The following RALYL variants were observed in gnomAD, a reference collection of about 807,000 sequenced individuals.
RALYL encodes RNA-binding Raly-like protein.
A neutral mutation model predicts 35.1 loss-of-function variants in RALYL; 29 were observed. The ratio of observed to expected loss-of-function variants is 0.83; its 90% confidence interval spans 0.61 to 1.13. RALYL has a LOEUF of 1.13. RALYL is among the 50% of genes most tolerant of loss of function. The pLI, the probability that RALYL is intolerant of heterozygous loss-of-function variation, is 0.00. For synonymous variants in RALYL, 120 were observed against 127.6 expected, an observed-to-expected ratio of 0.94 and a Z score of 0.40; for missense variants, 359 against 360.4, an observed-to-expected ratio of 1.00 and a Z score of 0.03.
chr8:84,917,404 G>T (rs1195788802), intron 8 of RALYL, among the ~76,000 whole-genome samples: 1 of 151,800 alleles, frequency 6.6e-6, no homozygotes, highest in Non-Finnish European at 1.5e-5. Flanking sequence ...AATTTACCAA[G>T]AATCACTATA....
At chr8:84,744,178 GAGGAATGGAAT>G (rs1808065656) in intron 2 of RALYL, among the ~76,000 whole-genome samples, 1 of 152,018 alleles carries the variant, frequency 6.6e-6, no homozygotes, top group Non-Finnish European at 1.5e-5. Flanking sequence ...AGAATTGTGA[GAGGAATGGAAT>G]CAGAACAGGA....
At chr8:84,445,509 G>GCA (rs1257183090) in intron 1 of RALYL, among the ~76,000 whole-genome samples, 1 of 151,656 alleles carries the variant, frequency 6.6e-6, no homozygotes, top group Non-Finnish European at 1.5e-5. Context: ...TGTAGTACGT[G>GCA]TTTTATTTCC....
intron 1 of RALYL, among the ~76,000 whole-genome samples, chr8:84,342,277 A>AATAT (rs57901276): frequency 0.012 from 787 of 66,132 alleles, 163 homozygotes; most frequent in Middle Eastern, 0.017. Context: ...AGCATCGTTC[A>AATAT]ATATATATAT....
intron 1 of RALYL, among the ~76,000 whole-genome samples, chr8:84,237,365 C>A (rs929104903): frequency 6.6e-6 from 1 of 152,064 alleles, no homozygotes; most frequent in African/African-American, 2.4e-5. Flanking sequence ...GTATGCAGAG[C>A]AGAAGTGACA....
At chr8:84,304,333 G>C (rs1841393329) in intron 1 of RALYL, among the ~76,000 whole-genome samples, 1 of 152,040 alleles carries the variant, frequency 6.6e-6, no homozygotes, top group South Asian at 2.1e-4. Context: ...TAGTCAGGGT[G>C]GTCTCGATCT....
chr8:84,346,922 A>G (rs1849936572), intron 1 of RALYL, among the ~76,000 whole-genome samples: 1 of 152,152 alleles, frequency 6.6e-6, no homozygotes, highest in African/African-American at 2.4e-5. Context: ...ACATTTGGCC[A>G]GGCACGGTGG....
chr8:84,756,122 A>G (rs1273927853), intron 2 of RALYL, among the ~76,000 whole-genome samples: 1 of 152,070 alleles, frequency 6.6e-6, no homozygotes, highest in Non-Finnish European at 1.5e-5. Flanking sequence ...GTACCAATAT[A>G]CCATGGATTA....
chr8:84,513,843 C>T (rs1446090560), intron 1 of RALYL, among the ~76,000 whole-genome samples: 11 of 151,756 alleles, frequency 7.2e-5, no homozygotes, highest in Non-Finnish European at 1.3e-4. Context: ...TGCCTGTAAT[C>T]CCAGCACTTT....
intron 2 of RALYL, among the ~76,000 whole-genome samples, chr8:84,766,093 C>T (rs553905004): frequency 1.7e-4 from 26 of 152,062 alleles, no homozygotes; most frequent in Middle Eastern, 3.4e-3. Context: ...TAAAAGACTA[C>T]GTTTAACTTT....
chr8:84,668,111 G>A lies in RALYL; in HGVS notation c.257-106468G>A, dbSNP rs141154944. Among the ~76,000 whole-genome samples the A allele has an allele frequency of 3.4e-3, 523 of 152,180 alleles. 3 individuals carry two copies. Among genetic ancestry groups the A allele is most frequent in the Non-Finnish European group, 5.7e-3 (388 of 67,986 alleles). ...AGGTGTGTGATAATAGCAGGCAATCGTTTTATAAATTACCACTTCATTTCA... is the reference window on the plus strand; with the variant it reads ...AGGTGTGTGATAATAGCAGGCAATCATTTTATAAATTACCACTTCATTTCA... On this transcript the variant is annotated intron_variant, in intron 2 of 8. Transcript: ENST00000521268.
At chr8:84,303,651 G>T (rs1841233325) in intron 1 of RALYL, among the ~76,000 whole-genome samples, 2 of 152,196 alleles carry the variant, frequency 1.3e-5, no homozygotes, top group Admixed American at 1.3e-4. Context: ...CTCAGTAAAG[G>T]CAGAGTTCTT....
intron 2 of RALYL, among the ~76,000 whole-genome samples, chr8:84,648,236 G>C (rs948416766): frequency 4.6e-5 from 7 of 152,056 alleles, no homozygotes; most frequent in Admixed American, 3.3e-4. Context: ...ATTAAAGCAA[G>C]TTTTCATTAG....
intron 8 of RALYL, among the ~76,000 whole-genome samples, chr8:84,902,717 C>A (rs913594039): frequency 2.0e-5 from 3 of 152,124 alleles, no homozygotes; most frequent in Non-Finnish European, 2.9e-5. Context: ...ATTTGGGTTT[C>A]AGGTTCAGAT....
intron 1 of RALYL, among the ~76,000 whole-genome samples, chr8:84,381,572 A>G (rs1586736700): frequency 6.6e-6 from 1 of 151,824 alleles, no homozygotes; most frequent in South Asian, 2.1e-4. Context: ...ATTTCCTTCA[A>G]CCCACATTTA....
intron 1 of RALYL, among the ~76,000 whole-genome samples, chr8:84,194,627 A>G (rs531684309): frequency 2.7e-4 from 41 of 152,294 alleles, no homozygotes; most frequent in African/African-American, 9.1e-4. Context: ...ATACATTTTT[A>G]TTAACATCAG....
At chr8:84,737,151 C>T (rs1847462505) in intron 2 of RALYL, among the ~76,000 whole-genome samples, 1 of 151,996 alleles carries the variant, frequency 6.6e-6, no homozygotes, top group Admixed American at 6.6e-5. Flanking sequence ...CTGTCTGATT[C>T]CACATTCTGT....
chr8:84,271,145 T>C (rs1586678191), intron 1 of RALYL, among the ~76,000 whole-genome samples: 2 of 142,484 alleles, frequency 1.4e-5, no homozygotes, highest in Middle Eastern at 7.1e-3. Context: ...TTTCAAAATG[T>C]GTATCTGATA....
At chr8:84,844,289 T>C (rs560216501) in intron 4 of RALYL, among the ~76,000 whole-genome samples, 5 of 151,776 alleles carry the variant, frequency 3.3e-5, no homozygotes, top group South Asian at 4.2e-4. Flanking sequence ...ACAAACAACC[T>C]CATCAAAAAG....
At chr8:84,344,062 C>A (rs948505402) in intron 1 of RALYL, among the ~76,000 whole-genome samples, 23 of 151,932 alleles carry the variant, frequency 1.5e-4, no homozygotes, top group African/African-American at 5.6e-4. Flanking sequence ...TTATAATTAT[C>A]ATTTTTAGTG....
Sources: allele counts gnomAD v4.1 joint callset (sites outside exome capture counted in the v4.1 genomes callset), GRCh38; gene constraint gnomAD v4.1.1; transcripts MANE v1.5; gene names NCBI Gene and HGNC (gene_info 2026-07-23, HGNC 2026-07-21).